THSD7B: variants seen among roughly 807,000 people sequenced by gnomAD.
THSD7B encodes thrombospondin type-1 domain-containing protein 7B.
Under a neutral mutation model 213.6 loss-of-function variants are expected in THSD7B, and 138 were observed. The observed-to-expected ratio is 0.65, with a 90% CI of 0.56 to 0.74. The LOEUF (loss-of-function observed/expected upper bound fraction) is 0.74, where lower values mean the gene tolerates loss of function less well. Among genes scored for constraint, THSD7B ranks in the 30% least tolerant of loss-of-function variants. The pLI is 0.00. For synonymous variants in THSD7B, 742 were observed against 687.0 expected (o/e 1.08, Z -1.25); for missense variants, 1,931 against 1,991.5 (o/e 0.97, Z 0.58).
At chr2:137,558,914 C>G (rs555644414) in intron 15 of THSD7B, among the ~76,000 whole-genome samples, 15 of 152,186 alleles carry the variant, frequency 9.9e-5, no homozygotes, top group African/African-American at 3.1e-4. Flanking sequence ...TTCTTATACA[C>G]CAATAACAGA....
intron 3 of THSD7B, among the ~76,000 whole-genome samples, chr2:137,084,238 G>T (rs146813200): frequency 6.6e-6 from 1 of 152,092 alleles, no homozygotes; most frequent in Non-Finnish European, 1.5e-5. Context: ...CTGTATTGGG[G>T]AAATCTACTT....
intron 15 of THSD7B, among the ~76,000 whole-genome samples, chr2:137,454,711 C>T (rs891960093): frequency 1.3e-5 from 2 of 152,058 alleles, no homozygotes; most frequent in Admixed American, 6.6e-5. Flanking sequence ...GAGGAGGCCA[C>T]TATTTGTTTC....
chr2:137,044,632 C>A (rs940792778), intron 2 of THSD7B, among the ~76,000 whole-genome samples: 2 of 152,048 alleles, frequency 1.3e-5, no homozygotes, highest in Admixed American at 6.5e-5. Flanking sequence ...AGATTAATAA[C>A]CATAATAAAA....
intron 12 of THSD7B, among the ~76,000 whole-genome samples, chr2:137,332,022 C>A (rs1289677097): frequency 2.0e-5 from 3 of 152,190 alleles, no homozygotes; most frequent in African/African-American, 7.2e-5. Context: ...AGGGAGCCGG[C>A]TCCGGCCTTG....
intron 15 of THSD7B, among the ~76,000 whole-genome samples, chr2:137,505,756 A>G (rs1679819367): frequency 6.6e-6 from 1 of 152,214 alleles, no homozygotes. Context: ...AGTTCCCAAG[A>G]GGAGGGGCAC....
chr2:137,479,082 G>C (rs767727787), intron 15 of THSD7B, among the ~76,000 whole-genome samples: 37 of 152,148 alleles, frequency 2.4e-4, no homozygotes, highest in Non-Finnish European at 5.0e-4. Flanking sequence ...GGCCTGGTAG[G>C]TGGACAGGTT....
At chr2:137,301,471 G>T (rs1356512338) in intron 12 of THSD7B, among the ~76,000 whole-genome samples, 2 of 152,054 alleles carry the variant, frequency 1.3e-5, no homozygotes, top group African/African-American at 4.8e-5. Flanking sequence ...AACAGAAATG[G>T]ATAGTATATG....
At chr2:136,860,113 G>A (rs1453371757) in intron 1 of THSD7B, among the ~76,000 whole-genome samples, 2 of 144,312 alleles carry the variant, frequency 1.4e-5, no homozygotes, top group Non-Finnish European at 3.0e-5. Flanking sequence ...TGCCTCCCGG[G>A]TTCACGCCAT....
intron 1 of THSD7B, among the ~76,000 whole-genome samples, chr2:136,854,706 A>G (rs930767329): frequency 6.6e-6 from 1 of 151,548 alleles, no homozygotes; most frequent in Non-Finnish European, 1.5e-5. Context: ...AATGAGAAGT[A>G]GTTCAACAGT....
chr2:137,567,281 G>A lies in THSD7B; in HGVS notation c.3272+3927G>A, dbSNP rs960725068. On this transcript the variant is annotated intron_variant, in intron 16 of 27. Transcript: ENST00000409968. Reference sequence around the variant, plus strand: ...CCTCCCAAGTTGAAGTAATTTTCATGCCTTAGCCTCCCAAATAGCTGAGAT... The same window carrying A: ...CCTCCCAAGTTGAAGTAATTTTCATACCTTAGCCTCCCAAATAGCTGAGAT... 6.6e-5 allele frequency among the ~76,000 whole-genome samples: 10 copies of A among 151,908 alleles called. 1 individual carries two copies. The highest frequency in any genetic ancestry group is 3.4e-3 in the Middle Eastern group (1 of 292).
rs200389806 is a variant in THSD7B at position 136,890,303 on chromosome 2, C to CTTCTTCTTCTTCTTCTT, written c.139+7986_139+7987insTTCTTCTTCTTCTTCTT. Among the ~76,000 whole-genome samples the CTTCTTCTTCTTCTTCTT allele has an allele frequency of 3.9e-3, 20 of 5,162 alleles. 5 individuals carry two copies. Among genetic ancestry groups the CTTCTTCTTCTTCTTCTT allele is most frequent in the African/African-American group, 0.011 (20 of 1,748 alleles). 3.4% of individuals were successfully genotyped at this position (5,162 alleles called of 152,430 possible). The stretch of plus-strand genomic sequence containing the variant: ...TGCTCATTCATGTCCATGTCCTACT[C>CTTCTTCTTCTTCTTCTT]CTTCTTCTTCTTCTTCTTCTTCTTC... On this transcript the variant is annotated intron_variant, in intron 2 of 27. Coordinates refer to ENST00000409968, the MANE Select transcript of THSD7B (RefSeq NM_001316349.2).
At chr2:137,631,916 T>A (rs1682748710) in intron 20 of THSD7B, among the ~76,000 whole-genome samples, 1 of 152,206 alleles carries the variant, frequency 6.6e-6, no homozygotes, top group Admixed American at 6.5e-5. Context: ...AGGGATTACT[T>A]TTTAATACCT....
chr2:137,264,917 G>C (rs954689508), intron 10 of THSD7B, among the ~76,000 whole-genome samples: 2 of 151,680 alleles, frequency 1.3e-5, no homozygotes, highest in East Asian at 3.9e-4. Context: ...ATGCTGGTGC[G>C]CTGCACCCAC....
intron 20 of THSD7B, among the ~76,000 whole-genome samples, chr2:137,639,175 G>A (rs1385265993): frequency 6.6e-6 from 1 of 152,068 alleles, no homozygotes; most frequent in African/African-American, 2.4e-5. Context: ...AGCAGGAAAA[G>A]TGGTTTTGTG....
chr2:137,044,315 T>C (rs1292830092), intron 2 of THSD7B, among the ~76,000 whole-genome samples: 1 of 152,212 alleles, frequency 6.6e-6, no homozygotes, highest in East Asian at 1.9e-4. Context: ...GGAATTCTTT[T>C]TAAAATTAGT....
intron 1 of THSD7B, among the ~76,000 whole-genome samples, chr2:136,801,617 G>A (rs1682181271): frequency 6.6e-6 from 1 of 152,050 alleles, no homozygotes; most frequent in Non-Finnish European, 1.5e-5. Context: ...GTTAGCATCT[G>A]TATTAGAAGA....
rs187103014 is a variant in THSD7B at position 137,041,984 on chromosome 2, G to A, written c.140-14436G>A. On this transcript the variant is annotated intron_variant, in intron 2 of 27. Coordinates refer to ENST00000409968, the MANE Select transcript of THSD7B (RefSeq NM_001316349.2). Reference sequence around the variant, plus strand: ...TAAATTAGGCACATGTTCAGTGATTGTTCTGAATTAGTTTGTGCCTTTATA... The same window carrying A: ...TAAATTAGGCACATGTTCAGTGATTATTCTGAATTAGTTTGTGCCTTTATA... Among the ~76,000 whole-genome samples the A allele has an allele frequency of 5.1e-4, 78 of 152,300 alleles. 1 individual carries two copies. The highest frequency in any genetic ancestry group is 1.9e-3 in the African/African-American group (77 of 41,544).
At chr2:137,332,466 G>A (rs1465558636) in intron 12 of THSD7B, among the ~76,000 whole-genome samples, 3 of 152,170 alleles carry the variant, frequency 2.0e-5, no homozygotes, top group African/African-American at 4.8e-5. Flanking sequence ...AGGCTCAGAG[G>A]TGGAAAGGAT....
intron 1 of THSD7B, among the ~76,000 whole-genome samples, chr2:136,817,582 G>C (rs1430519537): frequency 6.7e-6 from 1 of 149,504 alleles, no homozygotes; most frequent in Non-Finnish European, 1.5e-5. Flanking sequence ...TCTACATATG[G>C]CTAGCCAGTT....
Sources: allele counts gnomAD v4.1 joint callset (sites outside exome capture counted in the v4.1 genomes callset), GRCh38; gene constraint gnomAD v4.1.1; transcripts MANE v1.5; gene names NCBI Gene and HGNC (gene_info 2026-07-23, HGNC 2026-07-21).